The following SGMS1 variants were observed in gnomAD, a reference collection of about 807,000 sequenced individuals.
SGMS1 encodes the protein sphingomyelin synthase 1.
SGMS1 carries 13 observed loss-of-function variants against 46.2 expected under a neutral mutation model. That is an observed-to-expected ratio of 0.28 (90% CI 0.18 to 0.45). The LOEUF is 0.45. Among genes scored for constraint, SGMS1 ranks in the 20% least tolerant of loss-of-function variants. The pLI is 1.00. For missense variants in SGMS1, 324 were observed against 519.9 expected (o/e 0.62, Z 3.66); for synonymous variants, 203 against 187.8 (o/e 1.08, Z -0.66).
intron 1 of SGMS1, among the ~76,000 whole-genome samples, chr10:50,607,090 C>T (rs1462572851): frequency 2.0e-5 from 3 of 151,876 alleles, no homozygotes; most frequent in African/African-American, 7.2e-5. Flanking sequence ...GTGATCCTCC[C>T]ACCTCAGCCT....
chr10:50,535,067 A>G (rs1407983923), intron 2 of SGMS1, among the ~76,000 whole-genome samples: 1 of 152,112 alleles, frequency 6.6e-6, no homozygotes, highest in Non-Finnish European at 1.5e-5. Context: ...AACCGTCTCT[A>G]CTAAAAATAC....
intron 4 of SGMS1, among the ~76,000 whole-genome samples, chr10:50,463,276 A>G (rs1006612786): frequency 6.6e-6 from 1 of 152,232 alleles, no homozygotes; most frequent in African/African-American, 2.4e-5. Flanking sequence ...TATATCTGAC[A>G]AAGTGTTAAT....
chr10:50,511,710 T>C (rs17519380), intron 3 of SGMS1, among the ~76,000 whole-genome samples: 26,966 of 152,118 alleles, frequency 0.18, 2,666 homozygotes, highest in Admixed American at 0.23. Flanking sequence ...CCCTCTGCTC[T>C]AGATGAGTCA....
At chr10:50,595,046 C>G (rs1838577718) in intron 1 of SGMS1, among the ~76,000 whole-genome samples, 1 of 152,182 alleles carries the variant, frequency 6.6e-6, no homozygotes, top group African/African-American at 2.4e-5. Flanking sequence ...TATTCTTAAC[C>G]ACCACTCTGG....
chr10:50,602,828 ACT>A (rs1481565405), intron 1 of SGMS1, among the ~76,000 whole-genome samples: 4 of 152,152 alleles, frequency 2.6e-5, no homozygotes, highest in Non-Finnish European at 4.4e-5. Flanking sequence ...TAAAGCCTCT[ACT>A]CTCTGTGGAA....
intron 1 of SGMS1, among the ~76,000 whole-genome samples, chr10:50,616,588 C>T (rs1838799964): frequency 6.6e-6 from 1 of 152,100 alleles, no homozygotes; most frequent in Non-Finnish European, 1.5e-5. Flanking sequence ...TGTTGTTATT[C>T]CAGTTTGAGG....
intron 6 of SGMS1, among the ~76,000 whole-genome samples, chr10:50,344,746 G>C (rs927153060): frequency 2.0e-5 from 3 of 152,044 alleles, no homozygotes; most frequent in African/African-American, 7.2e-5. Context: ...GCGGGCGCCT[G>C]TAGTCCCAGC....
At chr10:50,341,884 T>C (rs953708392) in intron 7 of SGMS1, among the ~76,000 whole-genome samples, 3 of 152,232 alleles carry the variant, frequency 2.0e-5, no homozygotes, top group African/African-American at 7.2e-5. Flanking sequence ...AAATTAGTTT[T>C]ATGGTTAAGA....
chr10:50,393,746 A>T (rs1464858787), intron 6 of SGMS1, among the ~76,000 whole-genome samples: 1 of 152,206 alleles, frequency 6.6e-6, no homozygotes, highest in Non-Finnish European at 1.5e-5. Flanking sequence ...AAAAAGACAA[A>T]AGATTTTCTT....
intron 2 of SGMS1, among the ~76,000 whole-genome samples, chr10:50,555,799 C>G (rs1019102177): frequency 2.6e-5 from 4 of 152,198 alleles, no homozygotes; most frequent in African/African-American, 9.6e-5. Context: ...CTAAAATCAG[C>G]ATTTCAGCAA....
chr10:50,485,399 A>G (rs1837511651), intron 3 of SGMS1, among the ~76,000 whole-genome samples: 1 of 152,224 alleles, frequency 6.6e-6, no homozygotes. Flanking sequence ...ATCAGAGAGG[A>G]CACAAACAAA....
At chr10:50,624,071 G>A (rs749416426), upstream of SGMS1, 19 of 985,288 alleles carry the variant, frequency 1.9e-5, no homozygotes, top group Non-Finnish European at 2.3e-5. Flanking sequence ...GGGGTCCGCG[G>A]GGGGCTCCTC....
At chr10:50,588,373 G>C (rs1838506432) in intron 2 of SGMS1, among the ~76,000 whole-genome samples, 1 of 152,180 alleles carries the variant, frequency 6.6e-6, no homozygotes, top group South Asian at 2.1e-4. Flanking sequence ...ACGACTTGAG[G>C]AAGATACCGT....
chr10:50,404,855 C>T (rs1848991254), intron 6 of SGMS1, among the ~76,000 whole-genome samples: 1 of 152,030 alleles, frequency 6.6e-6, no homozygotes, highest in Non-Finnish European at 1.5e-5. Flanking sequence ...TTATTATACA[C>T]CCATAAAATA....
intron 2 of SGMS1, among the ~76,000 whole-genome samples, chr10:50,562,131 G>A (rs1178505157): frequency 6.6e-6 from 1 of 151,978 alleles, no homozygotes; most frequent in African/African-American, 2.4e-5. Context: ...TTCTTTAAAA[G>A]TCCCAGTTTC....
chr10:50,389,948 G>A (rs560141137), intron 6 of SGMS1, among the ~76,000 whole-genome samples: 141 of 152,258 alleles, frequency 9.3e-4, no homozygotes, highest in African/African-American at 2.9e-3. Flanking sequence ...ACAACATTTA[G>A]TTAACCAATG....
chr10:50,435,399 A>G (rs1482526475), intron 5 of SGMS1, among the ~76,000 whole-genome samples: 1 of 152,212 alleles, frequency 6.6e-6, no homozygotes, highest in African/African-American at 2.4e-5. Flanking sequence ...TTACAATTGC[A>G]ATTATGTCCA....
intron 2 of SGMS1, among the ~76,000 whole-genome samples, chr10:50,577,731 T>C (rs1376546465): frequency 1.3e-5 from 2 of 152,238 alleles, no homozygotes; most frequent in Admixed American, 6.5e-5. Context: ...GCAATTTCTC[T>C]GTTTTGCACA....
At chr10:50,401,987 T>G (rs1848946802) in intron 6 of SGMS1, among the ~76,000 whole-genome samples, 1 of 152,248 alleles carries the variant, frequency 6.6e-6, no homozygotes, top group Non-Finnish European at 1.5e-5. Context: ...ACAAAACTGT[T>G]GTACCCAAGA....
Sources: allele counts gnomAD v4.1 joint callset (sites outside exome capture counted in the v4.1 genomes callset), GRCh38; gene constraint gnomAD v4.1.1; transcripts MANE v1.5; gene names NCBI Gene and HGNC (gene_info 2026-07-23, HGNC 2026-07-21).